The following TMTC3 variants were observed in gnomAD, a reference collection of about 807,000 sequenced individuals.
The protein encoded by TMTC3 is protein O-mannosyl-transferase TMTC3.
A neutral mutation model predicts 92.2 loss-of-function variants in TMTC3; 52 were observed. The observed-to-expected ratio is 0.56, with a 90% CI of 0.45 to 0.71. The LOEUF is 0.71. Ranked by LOEUF, TMTC3 falls within the 30% of genes least tolerant of loss-of-function variation. TMTC3 has a pLI of 0.00. For missense variants in TMTC3, 896 were observed against 1,057.1 expected, an observed-to-expected ratio of 0.85 and a Z score of 2.11; for synonymous variants, 339 against 363.3, an observed-to-expected ratio of 0.93 and a Z score of 0.76.
At position 88,197,223 on chromosome 12, in the gene TMTC3, C is replaced by G. The variant is rs1427256279; in HGVS notation, c.*1574C>G. The G allele has an allele frequency of 6.7e-6, 1 of 150,122 alleles. No homozygotes were observed. The highest frequency in any genetic ancestry group is 1.9e-4 in the East Asian group (1 of 5,140). 9.3% of individuals were successfully genotyped at this position (150,122 alleles called of 1,614,324 possible). ...AAGATACAAGGTCTGCATTAGAAGA[C>G]CCACTCTTACTAGGTTCCCTAAGGA... On this transcript the variant is annotated 3_prime_UTR_variant, in exon 14 of 14. Transcript: ENST00000266712.
At chr12:88,188,997 T>G (rs1212201841) in intron 11 of TMTC3, 51 bp downstream of exon 11, 2 of 960,440 alleles carry the variant, frequency 2.1e-6, no homozygotes, top group Non-Finnish European at 3.2e-6. Flanking sequence ...ATGTCCATAT[T>G]GAATAGAATT....
At chr12:88,155,800 G>T (rs2041001948) in intron 4 of TMTC3, among the ~76,000 whole-genome samples, 1 of 151,978 alleles carries the variant, frequency 6.6e-6, no homozygotes, top group South Asian at 2.1e-4. Context: ...CTAATATCTT[G>T]CTGTATTTCC....
intron 12 of TMTC3, among the ~76,000 whole-genome samples, chr12:88,191,377 A>T (rs1188976827): frequency 6.6e-6 from 1 of 152,206 alleles, no homozygotes; most frequent in Admixed American, 6.5e-5. Flanking sequence ...CATTAAAAAA[A>T]TAATATTTTG....
chr12:88,156,219 G>A (rs781308334), intron 4 of TMTC3, among the ~76,000 whole-genome samples: 4 of 152,182 alleles, frequency 2.6e-5, no homozygotes, highest in Non-Finnish European at 5.9e-5. Flanking sequence ...GTATCCTTCA[G>A]ATATTGAGTT....
intron 10 of TMTC3, among the ~76,000 whole-genome samples, chr12:88,187,624 G>A (rs1478408046): frequency 1.3e-5 from 2 of 152,072 alleles, no homozygotes; most frequent in Admixed American, 6.6e-5. Context: ...AACCTGGACC[G>A]CATCTGCCAG....
intron 4 of TMTC3, among the ~76,000 whole-genome samples, chr12:88,155,868 T>C (rs2041002741): frequency 6.6e-6 from 1 of 152,188 alleles, no homozygotes; most frequent in African/African-American, 2.4e-5. Context: ...CCCAGCACTT[T>C]GGGAGGCTGA....
chr12:88,147,638 G>A (rs1343935817), intron 1 of TMTC3, among the ~76,000 whole-genome samples: 1 of 151,918 alleles, frequency 6.6e-6, no homozygotes, highest in East Asian at 1.9e-4. Flanking sequence ...TTCCCACCTG[G>A]AAAACTTAGG....
intron 2 of TMTC3, among the ~76,000 whole-genome samples, chr12:88,151,060 C>A (rs1333005123): frequency 6.6e-6 from 1 of 151,054 alleles, no homozygotes; most frequent in Non-Finnish European, 1.5e-5. Flanking sequence ...AACATATTAC[C>A]AAGGCTCTGT....
rs535095277 is a variant in TMTC3, at chr12:88,169,149, AACTTT to A, written c.1050+2568_1050+2572del. 1.2e-3 allele frequency among the ~76,000 whole-genome samples: 177 copies of A among 152,350 alleles called. 1 individual carries two copies. Among genetic ancestry groups the A allele is most frequent in the South Asian group, 4.6e-3 (22 of 4,832 alleles). Reference sequence around the variant, plus strand: ...CAAAGCAGTCAAGAAGAGTGGAAGGAACTTTCCAGAGAAACCTAGAAATCCCAAAC... The same window carrying A: ...CAAAGCAGTCAAGAAGAGTGGAAGGACCAGAGAAACCTAGAAATCCCAAAC... On this transcript the variant is annotated intron_variant, in intron 7 of 13. Transcript: ENST00000266712.
intron 10 of TMTC3, among the ~76,000 whole-genome samples, chr12:88,183,976 C>A (rs2041347166): frequency 6.6e-6 from 1 of 152,118 alleles, no homozygotes; most frequent in Non-Finnish European, 1.5e-5. Context: ...AGTCTCTTAA[C>A]CTTCGTTTTT....
rs745479134 is a variant in TMTC3 at position 88,160,741 on chromosome 12, A to G, written c.687A>G (p.Pro229=). 15 of 1,613,540 alleles carry G rather than the reference A, an allele frequency of 9.3e-6. No homozygotes were observed. Among genetic ancestry groups the G allele is most frequent in the Non-Finnish European group, 1.3e-5 (15 of 1,179,742 alleles). ...GQFLRGKGSI[P]FSMLQTLVKL... Reference sequence around the variant, plus strand: ...TTCTCCGTGGAAAGGGTAGCATTCCATTTTCTATGCTGCAGACACTAGTAA... The same window carrying G: ...TTCTCCGTGGAAAGGGTAGCATTCCGTTTTCTATGCTGCAGACACTAGTAA... The change falls in exon 6 of 14, where the codon CCA becomes CCG. Residue 229 remains proline (P), a synonymous_variant. Transcript: ENST00000266712.
At chr12:88,177,879 G>A (rs2041277097) in intron 10 of TMTC3, among the ~76,000 whole-genome samples, 1 of 152,134 alleles carries the variant, frequency 6.6e-6, no homozygotes, top group Non-Finnish European at 1.5e-5. Flanking sequence ...CAAGACCACA[G>A]TATTCAAAGA....
intron 4 of TMTC3, among the ~76,000 whole-genome samples, chr12:88,156,588 C>T (rs532485192): frequency 2.0e-5 from 3 of 152,114 alleles, no homozygotes; most frequent in African/African-American, 4.8e-5. Context: ...CTGAAGTGCT[C>T]TGCTTTTACC....
intron 7 of TMTC3, among the ~76,000 whole-genome samples, chr12:88,169,583 TAGATA>T (rs1257852214): frequency 6.6e-6 from 1 of 152,166 alleles, no homozygotes; most frequent in East Asian, 1.9e-4. Flanking sequence ...AAGCACTTAT[TAGATA>T]AGATGTCATA....
intron 8 of TMTC3, 65 bp from the exon 9 acceptor site, chr12:88,174,542 A>G: frequency 1.9e-6 from 3 of 1,542,030 alleles, no homozygotes; most frequent in Non-Finnish European, 1.8e-6. Context: ...CCTCTGTTCT[A>G]AAAGGTAAAA....
At chr12:88,144,170 C>G (rs2040842482) in intron 1 of TMTC3, among the ~76,000 whole-genome samples, 1 of 152,178 alleles carries the variant, frequency 6.6e-6, no homozygotes, top group Non-Finnish European at 1.5e-5. Context: ...TGCCCACCTC[C>G]TATCTCATCC....
At chr12:88,156,966 T>C (rs1476098377) in intron 4 of TMTC3, among the ~76,000 whole-genome samples, 1 of 151,942 alleles carries the variant, frequency 6.6e-6, no homozygotes, top group African/African-American at 2.4e-5. Context: ...TTCTATACCT[T>C]TAACTTGCAT....
rs770896677 is a variant in TMTC3 at position 88,153,313 on chromosome 12, G to C, written c.212G>C (p.Arg71Pro). 1 of 1,612,168 alleles carries C rather than the reference G, an allele frequency of 6.2e-7. No individual in the cohort carries two copies. ...MSEERSHKSY[R>P]PLTVLTFRLN... ...TAGGAGAGAAGCCACAAGTCTTACCGTCCCTTAACAGTATTGACATTTCGC... is the reference window on the plus strand; with the variant it reads ...TAGGAGAGAAGCCACAAGTCTTACCCTCCCTTAACAGTATTGACATTTCGC... The change falls in exon 3 of 14, where the codon CGT becomes CCT. Residue 71 changes from arginine (R) to proline (P), a missense_variant. Arg to Pro is a moderately radical substitution (Grantham distance 103). Transcript: ENST00000266712.
In TMTC3 at chr12:88,180,821, T is replaced by C. The variant is rs570223458; in HGVS notation, c.1432+4502T>C. The stretch of plus-strand genomic sequence containing the variant: ...TCAACAAATCATTTGGACCACACCA[T>C]ACATTACTATTTACATCTTTCCATA... On this transcript the variant is annotated intron_variant, in intron 10 of 13. Transcript: ENST00000266712. Among the ~76,000 whole-genome samples the C allele has an allele frequency of 4.6e-5, 7 of 152,342 alleles. No individual in the cohort carries two copies. In the South Asian group the frequency reaches 1.2e-3, roughly 27 times the overall value.
Sources: gnomAD v4.1 joint callset for allele counts (sites outside exome capture counted in the v4.1 genomes callset) on GRCh38, gnomAD v4.1.1 for gene constraint, MANE v1.5 for transcripts, NCBI Gene and HGNC (gene_info 2026-07-23, HGNC 2026-07-21) for gene names.